The following HIP1 variants were observed in gnomAD, a reference collection of about 807,000 sequenced individuals.
The protein encoded by HIP1 is huntingtin interacting protein 1.
Under a neutral mutation model 147.6 loss-of-function variants are expected in HIP1, and 65 were observed. That is an observed-to-expected ratio of 0.44 (90% CI 0.36 to 0.54). The LOEUF (loss-of-function observed/expected upper bound fraction) is 0.54. HIP1 is among the 20% of genes least tolerant of loss of function. The probability of loss-of-function intolerance (pLI) is 0.00; values close to 1 mark genes in which losing one functional copy is unlikely to be tolerated. For synonymous variants in HIP1, 479 were observed against 504.0 expected (o/e 0.95, Z 0.67); for missense variants, 1,061 against 1,299.6 (o/e 0.82, Z 2.82).
At chr7:75,622,153 C>T (rs945416607) in intron 1 of HIP1, among the ~76,000 whole-genome samples, 11 of 151,776 alleles carry the variant, frequency 7.2e-5, no homozygotes, top group South Asian at 2.1e-4. Context: ...TGGTGGTGCA[C>T]GCCACCCAGC....
chr7:75,704,165 C>G (rs1251244970), intron 1 of HIP1, among the ~76,000 whole-genome samples: 4 of 152,178 alleles, frequency 2.6e-5, no homozygotes, highest in African/African-American at 9.6e-5. Flanking sequence ...TCACAGACAA[C>G]AATGACAAAA....
At chr7:75,629,628 C>T (rs1449159782) in intron 1 of HIP1, among the ~76,000 whole-genome samples, 4 of 151,972 alleles carry the variant, frequency 2.6e-5, no homozygotes, top group South Asian at 2.1e-4. Context: ...CTGCAACCTC[C>T]GCCTCCCAGG....
At chr7:75,595,857 G>A (rs1219655023) in intron 2 of HIP1, among the ~76,000 whole-genome samples, 17 of 152,200 alleles carry the variant, frequency 1.1e-4, no homozygotes, top group African/African-American at 3.6e-4. Flanking sequence ...TTAGGCATCT[G>A]TGATAAATGT....
At chr7:75,576,687 C>T (rs1005031137) in intron 7 of HIP1, among the ~76,000 whole-genome samples, 14 of 152,062 alleles carry the variant, frequency 9.2e-5, no homozygotes, top group African/African-American at 2.4e-4. Context: ...CCAGCCTGAA[C>T]GACAGAGCAA....
intron 1 of HIP1, among the ~76,000 whole-genome samples, chr7:75,653,791 C>T (rs1799066722): frequency 6.6e-6 from 1 of 152,120 alleles, no homozygotes. Flanking sequence ...ACTGAGTGAT[C>T]GCTGGGGCCA....
intron 1 of HIP1, among the ~76,000 whole-genome samples, chr7:75,727,530 A>C (rs1283605857): frequency 6.6e-6 from 1 of 151,970 alleles, no homozygotes; most frequent in Non-Finnish European, 1.5e-5. Flanking sequence ...TTCAGTGTCC[A>C]AATAAGTCAA....
chr7:75,635,510 G>A (rs1472301467), intron 1 of HIP1, among the ~76,000 whole-genome samples: 4 of 150,154 alleles, frequency 2.7e-5, no homozygotes, highest in African/African-American at 9.8e-5. Flanking sequence ...CCCAGGAGGC[G>A]GAGGCGGTGG....
intron 1 of HIP1, among the ~76,000 whole-genome samples, chr7:75,719,322 G>A (rs1217913030): frequency 6.6e-6 from 1 of 151,882 alleles, no homozygotes; most frequent in African/African-American, 2.4e-5. Context: ...GGCCAACACG[G>A]TGAAACCCCG....
intron 1 of HIP1, among the ~76,000 whole-genome samples, chr7:75,601,923 T>C (rs2117016953): frequency 6.7e-6 from 1 of 149,558 alleles, no homozygotes; most frequent in South Asian, 2.1e-4. Flanking sequence ...TGAACTTTTC[T>C]ATAATGAAAG....
chr7:75,560,015 G>T, intron 13 of HIP1, 100 bp from the exon 14 acceptor site: 1 of 1,202,076 alleles, frequency 8.3e-7, no homozygotes, highest in Non-Finnish European at 1.1e-6. Flanking sequence ...GTAAATACCT[G>T]ATTCCCCTAA....
intron 1 of HIP1, among the ~76,000 whole-genome samples, chr7:75,663,951 C>T (rs376007288): frequency 8.9e-6 from 1 of 112,242 alleles, no homozygotes; most frequent in Non-Finnish European, 1.8e-5. Flanking sequence ...TATATATACA[C>T]ATATATGTGT....
At chr7:75,546,674 G>A (rs1794576806) in intron 25 of HIP1, among the ~76,000 whole-genome samples, 1 of 152,184 alleles carries the variant, frequency 6.6e-6, no homozygotes, top group Non-Finnish European at 1.5e-5. Context: ...ACCCAGGTTT[G>A]CAATGTAAAA....
rs183934546 is a variant in HIP1, at chr7:75,619,618, C to T, written c.121-20371G>A. 8.9e-4 allele frequency among the ~76,000 whole-genome samples: 136 copies of T among 152,040 alleles called. 2 individuals are homozygous for T. The highest frequency in any genetic ancestry group is 7.9e-3 in the Admixed American group (120 of 15,250). ...GAAGAATGAAGTCAGTTTCTCAGCT[C>T]AGACAAGTATACCTTGATGTAAGTA... On this transcript the variant is annotated intron_variant, in intron 1 of 30. Coordinates refer to ENST00000336926, the MANE Select transcript of HIP1 (RefSeq NM_005338.7).
At chr7:75,595,228 CTTTCTTTCTTTCTTTCTTT>C (rs1796661418) in intron 2 of HIP1, among the ~76,000 whole-genome samples, 1 of 106,000 alleles carries the variant, frequency 9.4e-6, no homozygotes, top group East Asian at 2.5e-4. Context: ...TTCTTTCTTT[CTTTCTTTCTTTCTTTCTTT>C]CTTTCTTCCT....
intron 1 of HIP1, among the ~76,000 whole-genome samples, chr7:75,610,192 C>T (rs1397614221): frequency 6.7e-6 from 1 of 148,522 alleles, no homozygotes; most frequent in Non-Finnish European, 1.5e-5. Flanking sequence ...CATGAGCCAC[C>T]TCATCCAGCC....
intron 1 of HIP1, among the ~76,000 whole-genome samples, chr7:75,638,005 T>TACAC (rs372119007): frequency 0.012 from 537 of 43,990 alleles, 38 homozygotes; most frequent in African/African-American, 0.034. Context: ...CACACACACA[T>TACAC]ACACACACAC....
chr7:75,633,103 G>C (rs149800544), intron 1 of HIP1, among the ~76,000 whole-genome samples: 1 of 151,924 alleles, frequency 6.6e-6, no homozygotes, highest in Non-Finnish European at 1.5e-5. Context: ...AGCATGGCAC[G>C]TGTTTACCTA....
chr7:75,635,063 A>G lies in HIP1; in HGVS notation c.121-35816T>C, dbSNP rs587688052. On this transcript the variant is annotated intron_variant, in intron 1 of 30. Coordinates refer to ENST00000336926, the MANE Select transcript of HIP1 (RefSeq NM_005338.7). Reference sequence around the variant, plus strand: ...GGTAATAATTGATAGCGTTGACTCTATTTCCCAAATTACAGTACTGTGTAC... The same window carrying G: ...GGTAATAATTGATAGCGTTGACTCTGTTTCCCAAATTACAGTACTGTGTAC... Among the ~76,000 whole-genome samples the G allele has an allele frequency of 6.6e-5, 10 of 151,724 alleles. No homozygotes were observed. In the South Asian group the frequency reaches 1.9e-3, roughly 28 times the overall value.
At chr7:75,611,919 G>T in intron 1 of HIP1, 7 of 983,880 alleles carry the variant, frequency 7.1e-6, no homozygotes, top group Non-Finnish European at 8.5e-6. Context: ...TCCTCCGCTC[G>T]CCTGGGACAG....
Sources: gnomAD v4.1 joint callset for allele counts (sites outside exome capture counted in the v4.1 genomes callset) on GRCh38, gnomAD v4.1.1 for gene constraint, MANE v1.5 for transcripts, NCBI Gene and HGNC (gene_info 2026-07-23, HGNC 2026-07-21) for gene names.